ZNF675: variants seen among roughly 807,000 people sequenced by gnomAD.
ZNF675 encodes the protein TRAF6 inhibitory zinc finger.
ZNF675 carries 36 observed loss-of-function variants against 56.1 expected under a neutral mutation model. The ratio of observed to expected loss-of-function variants is 0.64; its 90% CI spans 0.49 to 0.85. ZNF675 has a LOEUF of 0.85. ZNF675 is among the 40% of genes least tolerant of loss of function. The pLI is 0.00. For missense variants in ZNF675, 663 were observed against 654.2 expected, an observed-to-expected ratio of 1.01 and a Z score of -0.15; for synonymous variants, 200 against 218.9, an observed-to-expected ratio of 0.91 and a Z score of 0.76.
At chr19:23,660,393 C>T (rs1968060309) in intron 3 of ZNF675, among the ~76,000 whole-genome samples, 1 of 151,826 alleles carries the variant, frequency 6.6e-6, no homozygotes, top group Non-Finnish European at 1.5e-5. Flanking sequence ...AAGAATTAGT[C>T]GAAAAATGAA....
intron 1 of ZNF675, among the ~76,000 whole-genome samples, chr19:23,664,090 T>C (rs7256519): frequency 0.97 from 147,907 of 152,244 alleles, 72,008 homozygotes; most frequent in Middle Eastern, 1. Flanking sequence ...TTAAAACAAA[T>C]TCATTAGGGA....
At chr19:23,669,834 C>G (rs1968206017) in intron 1 of ZNF675, among the ~76,000 whole-genome samples, 1 of 146,012 alleles carries the variant, frequency 6.8e-6, no homozygotes, top group Non-Finnish European at 1.5e-5. Context: ...GCCTGGACAA[C>G]AGAGCAAGAC....
At chr19:23,676,984 G>C (rs1342289340) in intron 1 of ZNF675, among the ~76,000 whole-genome samples, 1 of 148,108 alleles carries the variant, frequency 6.8e-6, no homozygotes, top group Non-Finnish European at 1.5e-5. Flanking sequence ...TGAGGCAAGA[G>C]AATGGCGGCG....
rs1967935561 is a variant in ZNF675, at chr19:23,653,348, TTA to T, written c.1583_1584del (p.Ile528AsnfsTer9). On this transcript the variant is annotated frameshift_variant, in exon 4 of 4. Coordinates refer to ENST00000359788, the MANE Select transcript of ZNF675 (RefSeq NM_138330.3). LOFTEE classifies it high-confidence loss of function. ...TTATAGGGTTTCTCTCCAGTATGAA[TTA>T]TCTTATGTTCAGTAAGTTTTGAGGA... ...SRSSKLTEHK[I>X]IHTGEKPYKC... The T allele has an allele frequency of 2.5e-6, 4 of 1,613,714 alleles. No individual in the cohort carries two copies. In the East Asian group the frequency reaches 6.7e-5, roughly 27 times the overall value.
chr19:23,678,833 C>T (rs1792156891), intron 1 of ZNF675, among the ~76,000 whole-genome samples: 1 of 151,522 alleles, frequency 6.6e-6, no homozygotes, highest in South Asian at 2.1e-4. Context: ...GAATAATTTC[C>T]TATTTAATTT....
chr19:23,679,597 A>C (rs1383927143), intron 1 of ZNF675, among the ~76,000 whole-genome samples: 1 of 151,672 alleles, frequency 6.6e-6, no homozygotes, highest in Non-Finnish European at 1.5e-5. Flanking sequence ...AATAAAAGAA[A>C]ATATTTGCAA....
At chr19:23,661,029 A>G (rs1272187198) in intron 3 of ZNF675, among the ~76,000 whole-genome samples, 3 of 151,764 alleles carry the variant, frequency 2.0e-5, no homozygotes, top group Admixed American at 6.6e-5. Context: ...TCCCGGGTTC[A>G]AGCGATTCTC....
chr19:23,666,962 T>C lies in ZNF675; in HGVS notation c.4-3804A>G, dbSNP rs142420030. Reference sequence around the variant, plus strand: ...TGTTTTTGTCCTTTTTCTGAGACTGTGTCCGGAATTGGTGGGTTCTTGGTC... The same window carrying C: ...TGTTTTTGTCCTTTTTCTGAGACTGCGTCCGGAATTGGTGGGTTCTTGGTC... On this transcript the variant is annotated intron_variant, in intron 1 of 3. Transcript: ENST00000359788. 5.7e-3 allele frequency among the ~76,000 whole-genome samples: 871 copies of C among 152,296 alleles called. 19 individuals carry two copies. The highest frequency in any genetic ancestry group is 0.037 in the Admixed American group (572 of 15,298).
chr19:23,663,671 C>T (rs934544538), intron 1 of ZNF675, among the ~76,000 whole-genome samples: 3 of 152,130 alleles, frequency 2.0e-5, no homozygotes, highest in Admixed American at 6.5e-5. Context: ...GAGCTGAGAT[C>T]GTACCATTGC....
chr19:23,686,942 C>T (rs1253465489), intron 1 of ZNF675, 89 bp downstream of exon 1: 19 of 1,495,150 alleles, frequency 1.3e-5, no homozygotes, highest in Non-Finnish European at 1.7e-5. Flanking sequence ...GAGCTGACTG[C>T]GGGGAGGCCT....
intron 1 of ZNF675, among the ~76,000 whole-genome samples, chr19:23,685,720 A>T (rs1004363419): frequency 3.3e-5 from 5 of 152,234 alleles, no homozygotes; most frequent in African/African-American, 1.2e-4. Context: ...TACAGTATCT[A>T]AAGTGTACAA....
In ZNF675 at chr19:23,658,908, G is replaced by GATCTATAGATATAGATCTATAGATATCT. The variant is rs1568289217; in HGVS notation, c.226+3205_226+3206insAGATATCTATAGATCTATATCTATAGAT. On this transcript the variant is annotated intron_variant, in intron 3 of 3. Transcript: ENST00000359788. ...AGATATAGATCTATAGATATCTATA[G>GATCTATAGATATAGATCTATAGATATCT]ATAGATATAGATCTATAGATACCGA... 9.5e-3 allele frequency among the ~76,000 whole-genome samples: 239 copies of GATCTATAGATATAGATCTATAGATATCT among 25,216 alleles called. 3 individuals are homozygous for GATCTATAGATATAGATCTATAGATATCT. Among genetic ancestry groups the GATCTATAGATATAGATCTATAGATATCT allele is most frequent in the Admixed American group, 0.016 (34 of 2,126 alleles). The allele number at this position is 25,216 out of a possible 152,430, so 16.5% of individuals were successfully genotyped here.
intron 1 of ZNF675, among the ~76,000 whole-genome samples, chr19:23,684,764 C>T (rs1316111055): frequency 6.6e-6 from 1 of 152,192 alleles, no homozygotes; most frequent in Non-Finnish European, 1.5e-5. Flanking sequence ...TCTCACTGCA[C>T]TATGCCTCAG....
chr19:23,676,152 A>G (rs938271369), intron 1 of ZNF675, among the ~76,000 whole-genome samples: 5 of 151,650 alleles, frequency 3.3e-5, no homozygotes, highest in Admixed American at 3.3e-4. Flanking sequence ...GACTGAACAA[A>G]AAAGAAATTG....
intron 1 of ZNF675, among the ~76,000 whole-genome samples, chr19:23,672,022 C>A (rs1429068862): frequency 1.3e-5 from 2 of 151,924 alleles, no homozygotes; most frequent in Admixed American, 1.3e-4. Context: ...CTCAAGGATG[C>A]CTAGGTGATT....
intron 3 of ZNF675, chr19:23,655,597 C>T (rs904308643): frequency 3.3e-5 from 5 of 151,940 alleles, no homozygotes. Context: ...ATGACCTAAG[C>T]ACCTCCCACT....
At chr19:23,662,297 G>T in intron 2 of ZNF675, 88 bp from the exon 3 acceptor site, 1 of 881,156 alleles carries the variant, frequency 1.1e-6, no homozygotes, top group Non-Finnish European at 1.8e-6. Flanking sequence ...AGAATGTAAT[G>T]GAATAGTCTA....
At position 23,676,412 on chromosome 19, in the gene ZNF675, A is replaced by C. The variant is rs111599598; in HGVS notation, c.3+10619T>G. Among the ~76,000 whole-genome samples, 100 of 151,832 alleles carry C rather than the reference A, an allele frequency of 6.6e-4. 3 individuals carry two copies. Among genetic ancestry groups the C allele is most frequent in the African/African-American group, 2.1e-3 (88 of 41,174 alleles). On this transcript the variant is annotated intron_variant, in intron 1 of 3. Coordinates refer to ENST00000359788, the MANE Select transcript of ZNF675 (RefSeq NM_138330.3). ...GACAAAACAAACACACAAACAAAAA[A>C]CTTCAGGCCAATATTTTTAATAAAT...
In ZNF675 at chr19:23,654,047, A is replaced by G. The variant is rs751548282; in HGVS notation, c.886T>C (p.Phe296Leu). ...TTTTTATGTGTAGTAAGATTTGAGA[A>G]CTGGTTAAAGGCTTTGCCACATTCT... The part of the protein sequence containing the change: ...CEECGKAFNQ[F>L]SNLTTHKKIH... The change falls in exon 4 of 4, where the codon TTC (phenylalanine) becomes CTC (leucine). Residue 296 changes from phenylalanine (F) to leucine (L), a missense_variant. Phe to Leu is a conservative substitution (Grantham distance 22). This residue lies in a region of ZNF675 where 617 missense variants were observed against 590.5 expected (regional missense o/e 1.04). Transcript: ENST00000359788. 2 of 1,613,550 alleles carry G rather than the reference A, an allele frequency of 1.2e-6. No homozygotes were observed. The highest frequency in any genetic ancestry group is 1.7e-6 in the Non-Finnish European group (2 of 1,179,986).
Sources: allele counts gnomAD v4.1 joint callset (sites outside exome capture counted in the v4.1 genomes callset), GRCh38; gene constraint gnomAD v4.1.1; regional missense constraint gnomAD v4.1.1; transcripts MANE v1.5; gene names NCBI Gene and HGNC (gene_info 2026-07-23, HGNC 2026-07-21).